Variants in ADAMTS12 observed in about 807,000 individuals in gnomAD.
ADAMTS12 encodes ADAM metallopeptidase with thrombospondin type 1 motif 12.
A neutral mutation model predicts 167.8 loss-of-function variants in ADAMTS12; 118 were observed. The observed-to-expected ratio is 0.70, with a 90% confidence interval of 0.61 to 0.82. The LOEUF (loss-of-function observed/expected upper bound fraction) is 0.82. Ranked by LOEUF, ADAMTS12 falls within the 40% of genes least tolerant of loss-of-function variation. The pLI is 0.00. For synonymous variants in ADAMTS12, 704 were observed against 716.9 expected (o/e 0.98, Z 0.29); for missense variants, 1,916 against 1,998.8 (o/e 0.96, Z 0.79).
intron 13 of ADAMTS12, among the ~76,000 whole-genome samples, chr5:33,627,408 G>A (rs2112134758): frequency 6.6e-6 from 1 of 151,120 alleles, no homozygotes; most frequent in South Asian, 2.1e-4. Flanking sequence ...CGATGATGTA[G>A]TGGTGATGGT....
Position 33,751,444 on chromosome 5 carries a change from C to G in ADAMTS12, c.594G>C (p.Gln198His), listed in dbSNP as rs769345650. The change falls in exon 3 of 24, where the codon CAG becomes CAC. Residue 198 changes from glutamine (Q) to histidine (H), a missense_variant. Coordinates refer to ENST00000504830, the MANE Select transcript of ADAMTS12 (RefSeq NM_030955.4). Reference protein sequence around the residue: ...GYHPHIVYRRQKVPETKEPTC... With the variant: ...GYHPHIVYRRHKVPETKEPTC... ...TTGGCTCCTTGGTTTCTGGAACTTT[C>G]TGCCTCCTGTAAACGATGTGCGGGT... 1 of 1,614,156 alleles carries G rather than the reference C, an allele frequency of 6.2e-7. No individual in the cohort carries two copies. The highest frequency in any genetic ancestry group is 8.5e-7 in the Non-Finnish European group (1 of 1,180,022).
intron 2 of ADAMTS12, among the ~76,000 whole-genome samples, chr5:33,759,458 T>C (rs546107856): frequency 1.3e-5 from 2 of 152,342 alleles, no homozygotes; most frequent in South Asian, 4.1e-4. Context: ...CTTAGTTTCC[T>C]CATCTGTAAA....
At chr5:33,810,150 G>A (rs1052056063) in intron 2 of ADAMTS12, among the ~76,000 whole-genome samples, 1 of 152,044 alleles carries the variant, frequency 6.6e-6, no homozygotes, top group Non-Finnish European at 1.5e-5. Flanking sequence ...AAAACATAAT[G>A]CATTTTACTG....
chr5:33,573,533 G>A (rs1340583241), intron 19 of ADAMTS12, among the ~76,000 whole-genome samples: 3 of 152,124 alleles, frequency 2.0e-5, no homozygotes, highest in African/African-American at 4.8e-5. Context: ...TGGGAAAACT[G>A]GCTAGCCATA....
intron 2 of ADAMTS12, among the ~76,000 whole-genome samples, chr5:33,835,279 G>A (rs1027229728): frequency 5.3e-5 from 8 of 152,154 alleles, no homozygotes; most frequent in Non-Finnish European, 1.0e-4. Context: ...TCCATACTAA[G>A]TATTTGTTGA....
intron 16 of ADAMTS12, 133 bp from the exon 17 acceptor site, chr5:33,596,193 T>C: frequency 8.7e-7 from 1 of 1,151,392 alleles, no homozygotes; most frequent in Non-Finnish European, 1.2e-6. Context: ...TACTTGGTTT[T>C]AAAGGAGGGA....
intron 2 of ADAMTS12, among the ~76,000 whole-genome samples, chr5:33,840,812 C>T (rs1193198648): frequency 6.6e-6 from 1 of 152,232 alleles, no homozygotes; most frequent in Non-Finnish European, 1.5e-5. Flanking sequence ...CACTGATCAG[C>T]CTCTGACACC....
At chr5:33,641,672 T>G in intron 11 of ADAMTS12, 138 bp downstream of exon 11, 1 of 833,188 alleles carries the variant, frequency 1.2e-6, no homozygotes, top group Non-Finnish European at 1.7e-6. Flanking sequence ...TGAATCTTCT[T>G]GTTCTGTTTT....
chr5:33,749,230 G>T (rs564929779), intron 3 of ADAMTS12, among the ~76,000 whole-genome samples: 1 of 152,236 alleles, frequency 6.6e-6, no homozygotes, highest in South Asian at 2.1e-4. Context: ...TTCTAATAGG[G>T]CTTGTGAGAA....
chr5:33,635,249 T>C (rs938737980), intron 12 of ADAMTS12, among the ~76,000 whole-genome samples: 2 of 152,268 alleles, frequency 1.3e-5, no homozygotes, highest in Middle Eastern at 3.4e-3. Flanking sequence ...TTAATCATAA[T>C]AAAAAGGGTT....
chr5:33,527,317 C>A lies in ADAMTS12; in HGVS notation c.4656G>T (p.Leu1552=). ...DKLSASFCQT[L]KAMKKCSVPT... ...GCACAGAACATTTCTTCATGGCTTT[C>A]AGTGTCTGGCAGAAACTGGCTGACA... Residue 1552 remains leucine, a synonymous_variant, in exon 24 of 24, where the codon CTG becomes CTT. Coordinates refer to ENST00000504830, the MANE Select transcript of ADAMTS12 (RefSeq NM_030955.4). 2 of 1,614,134 alleles carry A rather than the reference C, an allele frequency of 1.2e-6. No homozygotes were observed. The highest frequency in any genetic ancestry group is 4.5e-5 in the East Asian group (2 of 44,870).
At position 33,844,022 on chromosome 5, in the gene ADAMTS12, C is replaced by T. The variant is rs191824615; in HGVS notation, c.489+37097G>A. Among the ~76,000 whole-genome samples, 204 of 152,296 alleles carry T rather than the reference C, an allele frequency of 1.3e-3. 1 individual carries two copies. The highest frequency in any genetic ancestry group is 4.7e-3 in the African/African-American group (195 of 41,562). ...TCATAATTTATTATGCCTGTCTTTA[C>T]TGCAATCTCTGAACATAAATTGTGA... On this transcript the variant is annotated intron_variant, in intron 2 of 23. Coordinates refer to ENST00000504830, the MANE Select transcript of ADAMTS12 (RefSeq NM_030955.4).
At chr5:33,841,390 C>G (rs1748741340) in intron 2 of ADAMTS12, among the ~76,000 whole-genome samples, 1 of 152,228 alleles carries the variant, frequency 6.6e-6, no homozygotes. Flanking sequence ...CACCAACCAT[C>G]CTGTCTCTGG....
chr5:33,868,278 AG>A, intron 2 of ADAMTS12, among the ~76,000 whole-genome samples: 1 of 152,358 alleles, frequency 6.6e-6, no homozygotes. Context: ...ACTGGATAAC[AG>A]GCAGAGGTTG....
At chr5:33,560,923 GAA>G (rs35553442) in intron 20 of ADAMTS12, 102 bp downstream of exon 20, 17,107 of 1,177,384 alleles carry the variant, frequency 0.015, 51 homozygotes, top group African/African-American at 0.058. Context: ...TTAAGAAAAA[GAA>G]AAAAAAAAAA....
At chr5:33,567,622 A>G (rs1488659519) in intron 19 of ADAMTS12, among the ~76,000 whole-genome samples, 2 of 152,222 alleles carry the variant, frequency 1.3e-5, no homozygotes, top group African/African-American at 2.4e-5. Flanking sequence ...TATCACTTCA[A>G]AAACACCTAA....
chr5:33,824,442 G>A (rs1025903780), intron 2 of ADAMTS12, among the ~76,000 whole-genome samples: 2 of 152,076 alleles, frequency 1.3e-5, no homozygotes, highest in Non-Finnish European at 2.9e-5. Flanking sequence ...ATTGCCCCCA[G>A]GTTTACATTT....
intron 14 of ADAMTS12, among the ~76,000 whole-genome samples, chr5:33,617,231 A>T (rs1221484889): frequency 5.7e-5 from 8 of 141,396 alleles, no homozygotes; most frequent in Admixed American, 2.7e-4. Flanking sequence ...TTTTTTTTTT[A>T]AATATAAAAT....
intron 2 of ADAMTS12, among the ~76,000 whole-genome samples, chr5:33,865,700 T>C (rs1749792754): frequency 6.6e-6 from 1 of 152,120 alleles, no homozygotes; most frequent in Non-Finnish European, 1.5e-5. Context: ...TATGACTGTA[T>C]AACTAGAAAA....
Sources: allele counts gnomAD v4.1 joint callset (sites outside exome capture counted in the v4.1 genomes callset), GRCh38; gene constraint gnomAD v4.1.1; transcripts MANE v1.5; gene names NCBI Gene and HGNC (gene_info 2026-07-23, HGNC 2026-07-21).